Variants in RNF220 observed in about 807,000 individuals in gnomAD.
RNF220 encodes the protein E3 ubiquitin-protein ligase RNF220.
A neutral mutation model predicts 67.1 loss-of-function variants in RNF220; 7 were observed. The observed-to-expected ratio is 0.10, with a 90% CI of 0.06 to 0.20. The LOEUF (loss-of-function observed/expected upper bound fraction) is 0.20. Ranked by LOEUF, RNF220 falls within the 10% of genes least tolerant of loss-of-function variation. The pLI is 1.00. For missense variants in RNF220, 565 were observed against 740.3 expected (o/e 0.76, Z 2.75); for synonymous variants, 270 against 283.2 (o/e 0.95, Z 0.47).
intron 2 of RNF220, among the ~76,000 whole-genome samples, chr1:44,553,487 T>G (rs1662836710): frequency 6.6e-6 from 1 of 152,218 alleles, no homozygotes; most frequent in Non-Finnish European, 1.5e-5. Context: ...CGAGATGACT[T>G]CTTTTTCATT....
In RNF220 at chr1:44,651,119, G is replaced by GCAAA. The variant is rs1189510156; in HGVS notation, c.*347_*350dup. On this transcript the variant is annotated 3_prime_UTR_variant, in exon 15 of 15. Transcript: ENST00000361799. ...TACTGACAGACGGACAGACAGACAT[G>GCAAA]CAAACACCAGACTGAAGCACATGTA... 1 of 380,894 alleles carries GCAAA rather than the reference G, an allele frequency of 2.6e-6. No individual in the cohort carries two copies. Among genetic ancestry groups the GCAAA allele is most frequent in the African/African-American group, 2.1e-5 (1 of 48,576 alleles). 23.6% of individuals were successfully genotyped at this position (380,894 alleles called of 1,614,324 possible).
At chr1:44,427,073 C>G (rs1649862971) in intron 2 of RNF220, among the ~76,000 whole-genome samples, 1 of 152,184 alleles carries the variant, frequency 6.6e-6, no homozygotes, top group African/African-American at 2.4e-5. Flanking sequence ...GAGTGCTTTA[C>G]AGGTAATAAT....
chr1:44,563,963 G>T (rs150421283), intron 2 of RNF220, among the ~76,000 whole-genome samples: 21 of 152,208 alleles, frequency 1.4e-4, no homozygotes, highest in Non-Finnish European at 2.1e-4. Flanking sequence ...ACTTACAGCT[G>T]CCCACTAGAT....
At chr1:44,634,797 G>A (rs1331241357) in intron 6 of RNF220, among the ~76,000 whole-genome samples, 1 of 152,218 alleles carries the variant, frequency 6.6e-6, no homozygotes, top group African/African-American at 2.4e-5. Context: ...AGCCCCCTGT[G>A]GGACAACATG....
intron 2 of RNF220, among the ~76,000 whole-genome samples, chr1:44,570,456 C>T (rs556137563): frequency 3.2e-4 from 48 of 152,252 alleles, no homozygotes; most frequent in African/African-American, 1.1e-3. Context: ...ACAGGAGGCA[C>T]GCCATGTGTT....
At chr1:44,573,158 A>T (rs1664567795) in intron 2 of RNF220, among the ~76,000 whole-genome samples, 1 of 152,078 alleles carries the variant, frequency 6.6e-6, no homozygotes, top group Non-Finnish European at 1.5e-5. Flanking sequence ...TGAATGCCTA[A>T]AACCCTAAAA....
intron 2 of RNF220, among the ~76,000 whole-genome samples, chr1:44,596,051 G>T (rs1000003820): frequency 6.6e-6 from 1 of 152,162 alleles, no homozygotes; most frequent in Non-Finnish European, 1.5e-5. Flanking sequence ...GGCGTGCGCC[G>T]CCATGCCTGG....
chr1:44,405,401 G>A lies in RNF220; in HGVS notation c.-247G>A. The A allele has an allele frequency of 3.6e-6, 2 of 557,332 alleles. No homozygotes were observed. Among genetic ancestry groups the A allele is most frequent in the Non-Finnish European group, 3.2e-6 (1 of 309,238 alleles). 34.5% of individuals were successfully genotyped at this position (557,332 alleles called of 1,614,324 possible). A position where few individuals can be genotyped will look rare whatever the true frequency, so the allele number is the denominator to read the frequency against. ...TACTGCTGCTGCTGCTGCTGCCGCT[G>A]CCGCCGCCGCCGCCGCCGCTGCCTC... On this transcript the variant is annotated 5_prime_UTR_variant, in exon 1 of 15. Transcript: ENST00000361799.
At chr1:44,632,431 C>CCCCCCCCCCCCCCCCCCA in intron 6 of RNF220, 46 bp downstream of exon 6, 1 of 1,438,848 alleles carries the variant, frequency 7.0e-7, no homozygotes, top group Non-Finnish European at 9.4e-7. Flanking sequence ...CCGGCCTCCT[C>CCCCCCCCCCCCCCCCCCA]CCTCCCTCCC....
chr1:44,585,985 G>A (rs534675686), intron 2 of RNF220, among the ~76,000 whole-genome samples: 2 of 152,254 alleles, frequency 1.3e-5, no homozygotes, highest in Non-Finnish European at 2.9e-5. Context: ...TCATCAGGCT[G>A]CCTCCCTGTT....
In RNF220 at chr1:44,584,752, G is replaced by A. The variant is rs145314305; in HGVS notation, c.626-29413G>A. On this transcript the variant is annotated intron_variant, in intron 2 of 14. Coordinates refer to ENST00000361799, the MANE Select transcript of RNF220 (RefSeq NM_018150.4). ...CTCACTCTGTCGCCTAGGCTGGAGT[G>A]CAGTGGCGCCATCTCAGCTCGCTGC... Among the ~76,000 whole-genome samples the A allele has an allele frequency of 9.8e-3, 1,486 of 152,296 alleles. 21 individuals carry two copies. Among genetic ancestry groups the A allele is most frequent in the African/African-American group, 0.034 (1,408 of 41,548 alleles).
intron 2 of RNF220, among the ~76,000 whole-genome samples, chr1:44,459,395 GC>G (rs76757921): frequency 0.14 from 20,928 of 151,698 alleles, 1,637 homozygotes; most frequent in East Asian, 0.27. Flanking sequence ...ATGCTGTCTT[GC>G]CAATGTCTTC....
At chr1:44,582,628 G>C (rs965814250) in intron 2 of RNF220, among the ~76,000 whole-genome samples, 2 of 150,750 alleles carry the variant, frequency 1.3e-5, no homozygotes, top group Non-Finnish European at 2.9e-5. Context: ...GTGGTGGCAG[G>C]CGCCTCTAAT....
intron 2 of RNF220, among the ~76,000 whole-genome samples, chr1:44,453,560 T>A (rs1175886717): frequency 6.6e-6 from 1 of 152,110 alleles, no homozygotes; most frequent in Non-Finnish European, 1.5e-5. Context: ...TTCATGGTGA[T>A]CATGAGGTTT....
chr1:44,641,038 A>C (rs1341402124), intron 8 of RNF220, among the ~76,000 whole-genome samples: 1 of 151,896 alleles, frequency 6.6e-6, no homozygotes, highest in Admixed American at 6.6e-5. Flanking sequence ...TGATTAAATT[A>C]ACACTGATTT....
chr1:44,529,879 C>T (rs1660696240), intron 2 of RNF220, among the ~76,000 whole-genome samples: 1 of 149,840 alleles, frequency 6.7e-6, no homozygotes, highest in Admixed American at 6.6e-5. Context: ...GGCAAAACCC[C>T]ATCTCTACTA....
intron 2 of RNF220, among the ~76,000 whole-genome samples, chr1:44,539,323 G>C (rs1661496429): frequency 6.6e-6 from 1 of 152,154 alleles, no homozygotes; most frequent in African/African-American, 2.4e-5. Context: ...TCCCATCTCA[G>C]TCTCCTTGGG....
chr1:44,576,963 G>A (rs1039345946), intron 2 of RNF220, among the ~76,000 whole-genome samples: 2 of 152,132 alleles, frequency 1.3e-5, no homozygotes, highest in Non-Finnish European at 2.9e-5. Context: ...GACAAGTGGG[G>A]ACAGGCTCCA....
chr1:44,556,341 C>T (rs1464247363), intron 2 of RNF220, among the ~76,000 whole-genome samples: 1 of 150,674 alleles, frequency 6.6e-6, no homozygotes, highest in Non-Finnish European at 1.5e-5. Context: ...GTGCTATGTG[C>T]TTCTTAAAGA....
Sources: allele counts gnomAD v4.1 joint callset (sites outside exome capture counted in the v4.1 genomes callset), GRCh38; gene constraint gnomAD v4.1.1; transcripts MANE v1.5; gene names NCBI Gene and HGNC (gene_info 2026-07-23, HGNC 2026-07-21).